Variants in LRRC37A2 observed in about 807,000 individuals in gnomAD.
LRRC37A2 encodes leucine rich repeat containing 37 member A2.
LRRC37A2 carries 9 observed loss-of-function variants against 68.8 expected under a neutral mutation model. The ratio of observed to expected loss-of-function variants is 0.13; its 90% confidence interval spans 0.08 to 0.23. The LOEUF (loss-of-function observed/expected upper bound fraction) is 0.23. Among genes scored for constraint, LRRC37A2 ranks in the 10% least tolerant of loss-of-function variants. The pLI is 1.00. For missense variants in LRRC37A2, 168 were observed against 950.4 expected (o/e 0.18, Z 10.82); for synonymous variants, 63 against 367.6 (o/e 0.17, Z 9.48).
chr17:46,499,527 T>C, the LRRC37A2 span, among the ~76,000 whole-genome samples: 2 of 137,960 alleles, frequency 1.4e-5, no homozygotes, highest in South Asian at 2.2e-4. Flanking sequence ...ATGGGTGTCA[T>C]TGGTTGAACA....
the LRRC37A2 span, among the ~76,000 whole-genome samples, chr17:46,958,549 T>A: frequency 6.6e-6 from 1 of 152,216 alleles, no homozygotes; most frequent in Admixed American, 6.5e-5. Context: ...GAGACGTCTG[T>A]GTGAGCTCCT....
chr17:46,867,636 G>A, the LRRC37A2 span, among the ~76,000 whole-genome samples: 1 of 152,238 alleles, frequency 6.6e-6, no homozygotes, highest in Non-Finnish European at 1.5e-5. Flanking sequence ...AAACCTGGGA[G>A]AGCCATCTTC....
chr17:46,498,896 C>CAT, the LRRC37A2 span, among the ~76,000 whole-genome samples: 1 of 150,590 alleles, frequency 6.6e-6, no homozygotes, highest in African/African-American at 2.5e-5. Flanking sequence ...TATATATCTA[C>CAT]ATATATATAC....
chr17:46,884,504 G>C, the LRRC37A2 span, among the ~76,000 whole-genome samples: 36 of 152,298 alleles, frequency 2.4e-4, no homozygotes, highest in African/African-American at 8.2e-4. Flanking sequence ...TCCTGGAATG[G>C]CCTCTGCTTT....
chr17:46,761,221 T>C, the LRRC37A2 span, among the ~76,000 whole-genome samples: 2 of 152,014 alleles, frequency 1.3e-5, no homozygotes, highest in Non-Finnish European at 2.9e-5. Context: ...ACAGAGTGCA[T>C]CAACTTCTGG....
the LRRC37A2 span, among the ~76,000 whole-genome samples, chr17:46,895,213 C>T: frequency 1.3e-5 from 2 of 152,246 alleles, no homozygotes; most frequent in Non-Finnish European, 2.9e-5. Context: ...TGGGTTCAGC[C>T]ACCGGTCAGT....
At chr17:46,741,225 G>C in the LRRC37A2 span, among the ~76,000 whole-genome samples, 5 of 152,174 alleles carry the variant, frequency 3.3e-5, no homozygotes, top group African/African-American at 1.2e-4. Flanking sequence ...CAGAGAATGA[G>C]GGGGTTTGGG....
the LRRC37A2 span, among the ~76,000 whole-genome samples, chr17:46,735,104 A>G: frequency 6.6e-6 from 1 of 152,204 alleles, no homozygotes; most frequent in African/African-American, 2.4e-5. Flanking sequence ...AAACATTGCT[A>G]CAGATATCTG....
chr17:46,875,056 C>A, the LRRC37A2 span: 1 of 1,613,278 alleles, frequency 6.2e-7, no homozygotes, highest in Non-Finnish European at 8.5e-7. Flanking sequence ...CCTTTCCTCT[C>A]TTCCCCCTTT....
At chr17:46,810,154 C>G in the LRRC37A2 span, among the ~76,000 whole-genome samples, 1 of 151,824 alleles carries the variant, frequency 6.6e-6, no homozygotes, top group South Asian at 2.1e-4. Flanking sequence ...TTACAGGCTC[C>G]CACCACCACG....
the LRRC37A2 span, among the ~76,000 whole-genome samples, chr17:46,893,124 G>C: frequency 2.0e-5 from 3 of 152,050 alleles, no homozygotes; most frequent in Admixed American, 2.0e-4. Flanking sequence ...AGTAGAGTTG[G>C]GTTTTCACCA....
chr17:47,025,584 C>T, the LRRC37A2 span, among the ~76,000 whole-genome samples: 9 of 151,668 alleles, frequency 5.9e-5, no homozygotes, highest in Non-Finnish European at 8.8e-5. Context: ...TCACTAATTA[C>T]AAAATAACGA....
At chr17:46,885,255 C>T in the LRRC37A2 span, 3 of 297,830 alleles carry the variant, frequency 1.0e-5, no homozygotes, top group Non-Finnish European at 2.0e-5. Context: ...ATCCACCCGC[C>T]TCGGCCTCCC....
At chr17:46,942,240 CG>C in the LRRC37A2 span, among the ~76,000 whole-genome samples, 1 of 152,176 alleles carries the variant, frequency 6.6e-6, no homozygotes, top group South Asian at 2.1e-4. Flanking sequence ...CTGTCTCAAC[CG>C]GGGGGTGACA....
At chr17:46,863,919 C>CT in the LRRC37A2 span, among the ~76,000 whole-genome samples, 1 of 152,164 alleles carries the variant, frequency 6.6e-6, no homozygotes, top group Non-Finnish European at 1.5e-5. Context: ...AGGGAGGTTC[C>CT]TGCTGTCCCT....
the LRRC37A2 span, chr17:46,768,334 G>A: frequency 1.2e-6 from 2 of 1,613,682 alleles, no homozygotes; most frequent in Non-Finnish European, 1.7e-6. This position sits in a 1 kb window ranked among gnomAD's most constrained non-coding sequence, Gnocchi z 5.0. Context: ...TTGCAGGTGT[G>A]CACGTCGTAG....
the LRRC37A2 span, among the ~76,000 whole-genome samples, chr17:46,679,704 A>G: frequency 6.6e-6 from 1 of 151,692 alleles, no homozygotes; most frequent in Admixed American, 6.6e-5. Context: ...AAAAAAAAAA[A>G]AAGAAGCTAA....
chr17:46,940,016 T>C, the LRRC37A2 span: 1 of 1,036,130 alleles, frequency 9.7e-7, no homozygotes, highest in Non-Finnish European at 1.2e-6. Context: ...CGGCTCAGTA[T>C]TAACCCTACC....
At chr17:46,920,819 T>C in the LRRC37A2 span, among the ~76,000 whole-genome samples, 2 of 152,194 alleles carry the variant, frequency 1.3e-5, no homozygotes, top group African/African-American at 4.8e-5. Flanking sequence ...CAAACCAAAA[T>C]AGAGTCACTC....
Sources: gnomAD v4.1 joint callset for allele counts (sites outside exome capture counted in the v4.1 genomes callset) on GRCh38, gnomAD v4.1.1 for gene constraint, Gnocchi (gnomAD v3.1) non-coding constraint, MANE v1.5 for transcripts, NCBI Gene and HGNC (gene_info 2026-07-23, HGNC 2026-07-21) for gene names.